Variants in KATNBL1 observed in about 807,000 individuals in gnomAD.
The protein encoded by KATNBL1 is katanin regulatory subunit B1 like 1.
KATNBL1 carries 28 observed loss-of-function variants against 44.7 expected under a neutral mutation model. The observed-to-expected ratio is 0.63, with a 90% CI of 0.46 to 0.86. The LOEUF is 0.86. Ranked by LOEUF, KATNBL1 falls within the 40% of genes least tolerant of loss-of-function variation. The pLI is 0.00. For missense variants in KATNBL1, 272 were observed against 350.7 expected, an observed-to-expected ratio of 0.78 and a Z score of 1.79; for synonymous variants, 78 against 114.9, an observed-to-expected ratio of 0.68 and a Z score of 2.06.
chr15:34,158,867 C>T (rs1888714532), intron 2 of KATNBL1, among the ~76,000 whole-genome samples: 1 of 152,162 alleles, frequency 6.6e-6, no homozygotes, highest in Non-Finnish European at 1.5e-5. Context: ...TAAATAAGTG[C>T]TGCCCCATTT....
At chr15:34,190,359 A>T (rs936647653) in intron 1 of KATNBL1, among the ~76,000 whole-genome samples, 1 of 152,246 alleles carries the variant, frequency 6.6e-6, no homozygotes, top group African/African-American at 2.4e-5. Flanking sequence ...TAAACAGGTT[A>T]CTAAAAACGC....
chr15:34,166,446 T>C (rs1245013810), intron 1 of KATNBL1, among the ~76,000 whole-genome samples: 1 of 152,256 alleles, frequency 6.6e-6, no homozygotes, highest in African/African-American at 2.4e-5. Context: ...AAGCTCGAAC[T>C]GGGCAGAGCC....
chr15:34,171,399 C>A (rs1213863850), intron 1 of KATNBL1, among the ~76,000 whole-genome samples: 1 of 152,170 alleles, frequency 6.6e-6, no homozygotes, highest in Non-Finnish European at 1.5e-5. Context: ...CCGTCTCATG[C>A]CAGTTAGAAT....
intron 1 of KATNBL1, among the ~76,000 whole-genome samples, chr15:34,208,317 C>A (rs1890346984): frequency 6.6e-6 from 1 of 152,120 alleles, no homozygotes; most frequent in Admixed American, 6.6e-5. Context: ...TTTTGTATAG[C>A]CAATTGGGTC....
At position 34,141,419 on chromosome 15, in the gene KATNBL1, C is replaced by T. The variant is rs139382345; in HGVS notation, c.*920G>A. On this transcript the variant is annotated 3_prime_UTR_variant, in exon 10 of 10. Coordinates refer to ENST00000256544, the MANE Select transcript of KATNBL1 (RefSeq NM_024713.3). ...AAAATAGAAATATTTAGTGAATTTA[C>T]TCAAATGAAGGAAGTTTAAATGATA... The T allele has an allele frequency of 1.8e-4, 28 of 152,496 alleles. No individual in the cohort carries two copies. The East Asian group carries it at 4.2e-3, about 23-fold the overall frequency. 9.4% of individuals were successfully genotyped at this position (152,496 alleles called of 1,614,324 possible). A position where few individuals can be genotyped will look rare whatever the true frequency, so the allele number is the denominator to read the frequency against.
intron 1 of KATNBL1, among the ~76,000 whole-genome samples, chr15:34,182,074 G>A (rs936943467): frequency 2.0e-5 from 3 of 151,638 alleles, no homozygotes; most frequent in Admixed American, 6.6e-5. Context: ...TAATTTGCCC[G>A]AGATTAAACA....
chr15:34,154,258 G>A (rs958990017), intron 3 of KATNBL1, among the ~76,000 whole-genome samples: 1 of 152,110 alleles, frequency 6.6e-6, no homozygotes. Flanking sequence ...TGGTCTTTAG[G>A]GACCCGCAGG....
At chr15:34,143,666 T>G (rs376147747) in intron 9 of KATNBL1, among the ~76,000 whole-genome samples, 4 of 151,436 alleles carry the variant, frequency 2.6e-5, no homozygotes, top group African/African-American at 7.3e-5. Flanking sequence ...AAGAATTCTA[T>G]AGGCCAGGCG....
At chr15:34,162,506 A>C (rs2140928663) in intron 2 of KATNBL1, among the ~76,000 whole-genome samples, 1 of 152,330 alleles carries the variant, frequency 6.6e-6, no homozygotes, top group Non-Finnish European at 1.5e-5. Flanking sequence ...ATGAAAACGG[A>C]ATAATACAAC....
At chr15:34,183,997 C>T (rs757389294) in intron 1 of KATNBL1, among the ~76,000 whole-genome samples, 4 of 151,954 alleles carry the variant, frequency 2.6e-5, no homozygotes, top group Non-Finnish European at 5.9e-5. Flanking sequence ...GGTGAAACCC[C>T]ATCTCTACTA....
At chr15:34,196,593 C>A (rs1413385357) in intron 1 of KATNBL1, among the ~76,000 whole-genome samples, 1 of 150,870 alleles carries the variant, frequency 6.6e-6, no homozygotes, top group South Asian at 2.1e-4. Flanking sequence ...CCAGGCGTGG[C>A]GGCAGGCACC....
intron 9 of KATNBL1, among the ~76,000 whole-genome samples, chr15:34,143,375 G>GA (rs1888208521): frequency 6.6e-6 from 1 of 152,066 alleles, no homozygotes; most frequent in Non-Finnish European, 1.5e-5. Context: ...TGAGGCAGGA[G>GA]AATCACTTGA....
chr15:34,152,726 GA>G (rs1201644884), intron 4 of KATNBL1, 63 bp downstream of exon 4: 2 of 1,369,628 alleles, frequency 1.5e-6, no homozygotes, highest in Non-Finnish European at 2.0e-6. Context: ...ATATGGCAAA[GA>G]AAAAAATCAA....
At chr15:34,199,289 T>A (rs1732392541) in intron 1 of KATNBL1, among the ~76,000 whole-genome samples, 1 of 151,992 alleles carries the variant, frequency 6.6e-6, no homozygotes, top group Non-Finnish European at 1.5e-5. Context: ...ATACAAAAAT[T>A]AGCCTGGTGT....
At chr15:34,146,455 T>C (rs925716092) in intron 8 of KATNBL1, 1 of 239,606 alleles carries the variant, frequency 4.2e-6, no homozygotes, top group African/African-American at 2.3e-5. Flanking sequence ...TATTACACTG[T>C]GGGCATCTCT....
chr15:34,150,290 T>C (rs1888429487), intron 4 of KATNBL1, among the ~76,000 whole-genome samples: 2 of 152,212 alleles, frequency 1.3e-5, no homozygotes, highest in African/African-American at 4.8e-5. Flanking sequence ...TGAAACTTTT[T>C]AAAAAGAACT....
At chr15:34,205,769 A>G (rs1890279186) in intron 1 of KATNBL1, among the ~76,000 whole-genome samples, 1 of 152,208 alleles carries the variant, frequency 6.6e-6, no homozygotes, top group Admixed American at 6.5e-5. Context: ...TATTAAGTAC[A>G]TGTTACAGAC....
intron 1 of KATNBL1, among the ~76,000 whole-genome samples, chr15:34,197,773 A>G (rs1200718835): frequency 1.3e-5 from 2 of 152,138 alleles, no homozygotes; most frequent in Non-Finnish European, 2.9e-5. Flanking sequence ...TTTGAGACGG[A>G]GTCTCGCTCT....
intron 2 of KATNBL1, among the ~76,000 whole-genome samples, chr15:34,161,681 A>G (rs761131595): frequency 2.0e-5 from 3 of 152,158 alleles, no homozygotes; most frequent in Non-Finnish European, 4.4e-5. Flanking sequence ...CTGATAGGCT[A>G]TTTTAAAGAG....
Sources: allele counts gnomAD v4.1 joint callset (sites outside exome capture counted in the v4.1 genomes callset), GRCh38; gene constraint gnomAD v4.1.1; transcripts MANE v1.5; gene names NCBI Gene and HGNC (gene_info 2026-07-23, HGNC 2026-07-21).